The following ERG variants were observed in gnomAD, a reference collection of about 807,000 sequenced individuals.
ERG encodes ETS transcription factor ERG, also known as transcriptional regulator ERG.
ERG carries 9 observed loss-of-function variants against 55.3 expected under a neutral mutation model. The ratio of observed to expected loss-of-function variants is 0.16; its 90% CI spans 0.10 to 0.28. The LOEUF (loss-of-function observed/expected upper bound fraction) is 0.28, where lower values mean the gene tolerates loss of function less well. Ranked by LOEUF, ERG falls within the 10% of genes least tolerant of loss-of-function variation. The pLI is 1.00. For synonymous variants in ERG, 223 were observed against 237.3 expected, an observed-to-expected ratio of 0.94 and a Z score of 0.55; for missense variants, 434 against 631.6, an observed-to-expected ratio of 0.69 and a Z score of 3.35.
chr21:38,645,679 G>A (rs934330700), intron 1 of ERG, among the ~76,000 whole-genome samples: 2 of 152,192 alleles, frequency 1.3e-5, no homozygotes, highest in African/African-American at 4.8e-5. Flanking sequence ...GAGAAAGAGT[G>A]AGCTTTTACA....
chr21:38,600,988 A>G (rs1309045000), intron 1 of ERG, among the ~76,000 whole-genome samples: 2 of 152,196 alleles, frequency 1.3e-5, no homozygotes, highest in African/African-American at 4.8e-5. Flanking sequence ...TGCCACTATT[A>G]GATTTCCTTT....
At chr21:38,482,923 C>A (rs1158261303) in intron 1 of ERG, among the ~76,000 whole-genome samples, 1 of 152,190 alleles carries the variant, frequency 6.6e-6, no homozygotes, top group African/African-American at 2.4e-5. Context: ...AGTGATCCAC[C>A]TACCGTGGCC....
intron 5 of ERG, 131 bp downstream of exon 5, chr21:38,402,426 C>G (rs2836372): frequency 0.25 from 167,049 of 668,598 alleles, 22,562 homozygotes; most frequent in African/African-American, 0.43. Context: ...CCTAAGTATC[C>G]GAAAGTATTC....
At chr21:38,406,315 A>C (rs1446555583) in intron 3 of ERG, among the ~76,000 whole-genome samples, 1 of 152,230 alleles carries the variant, frequency 6.6e-6, no homozygotes, top group East Asian at 1.9e-4. Flanking sequence ...ACATGTTGTT[A>C]GTCTGTGAAA....
At position 38,381,716 on chromosome 21, in the gene ERG, C is replaced by G. The variant is rs934080767; in HGVS notation, c.*1687G>C. Reference sequence around the variant, plus strand: ...GGGTGATTTGTGACCAGGTGCTGAACTAGAATTTCTCAATGACAACCCCAG... The same window carrying G: ...GGGTGATTTGTGACCAGGTGCTGAAGTAGAATTTCTCAATGACAACCCCAG... On this transcript the variant is annotated 3_prime_UTR_variant, in exon 10 of 10. Transcript: ENST00000288319. The G allele has an allele frequency of 6.6e-6, 7 of 1,063,356 alleles. No individual in the cohort carries two copies. In the African/African-American group the frequency reaches 1.1e-4, roughly 17 times the overall value. 65.9% of individuals were successfully genotyped at this position (1,063,356 alleles called of 1,614,324 possible).
At chr21:38,453,574 T>G (rs1345490823) in intron 1 of ERG, among the ~76,000 whole-genome samples, 1 of 152,230 alleles carries the variant, frequency 6.6e-6, no homozygotes, top group Non-Finnish European at 1.5e-5. Context: ...TAGCTTCTTA[T>G]TTTCTTCTTT....
intron 1 of ERG, among the ~76,000 whole-genome samples, chr21:38,447,960 A>C (rs1333190764): frequency 1.3e-5 from 2 of 152,098 alleles, no homozygotes; most frequent in Non-Finnish European, 2.9e-5. Context: ...TACAAACTAA[A>C]AAGGAAATGG....
At position 38,466,297 on chromosome 21, in the gene ERG, T is replaced by TGG. The variant is rs201173457; in HGVS notation, c.19-20678_19-20677dup. 1.9e-3 allele frequency among the ~76,000 whole-genome samples: 115 copies of TGG among 62,034 alleles called. 1 individual carries two copies. The South Asian group carries it at 0.019, about 11-fold the overall frequency. The allele number at this position is 62,034 out of a possible 152,430, so 40.7% of individuals were successfully genotyped here. A position where few individuals can be genotyped will look rare whatever the true frequency, so the allele number is the denominator to read the frequency against. On this transcript the variant is annotated intron_variant, in intron 1 of 9. Transcript: ENST00000288319. Reference sequence around the variant, plus strand: ...AAACAGTTTAGGCTGTCTGATGGTCTGGGGTGTGTGTGTGTGTGTGTGTGT... The same window carrying TGG: ...AAACAGTTTAGGCTGTCTGATGGTCTGGGGGGTGTGTGTGTGTGTGTGTGTGT...
intron 2 of ERG, among the ~76,000 whole-genome samples, chr21:38,535,463 A>G (rs2059702831): frequency 6.6e-6 from 1 of 152,234 alleles, no homozygotes. Flanking sequence ...AAAAAATAAA[A>G]GATTTTATAG....
intron 2 of ERG, among the ~76,000 whole-genome samples, chr21:38,532,991 C>T (rs1024424042): frequency 6.6e-5 from 10 of 152,220 alleles, no homozygotes; most frequent in Admixed American, 6.5e-5. Context: ...TTTTTCACCT[C>T]TGTGTTCCTT....
chr21:38,511,233 T>G (rs2059509146), intron 2 of ERG, among the ~76,000 whole-genome samples: 1 of 152,238 alleles, frequency 6.6e-6, no homozygotes. Context: ...ACCCTACATT[T>G]GAACATTCAA....
intron 1 of ERG, among the ~76,000 whole-genome samples, chr21:38,453,087 A>G (rs2058956062): frequency 6.6e-6 from 1 of 152,202 alleles, no homozygotes; most frequent in Non-Finnish European, 1.5e-5. Context: ...TTGTGTAGCC[A>G]ACGCCCAGGA....
At chr21:38,421,564 C>A (rs1387577251) in intron 3 of ERG, among the ~76,000 whole-genome samples, 1 of 152,208 alleles carries the variant, frequency 6.6e-6, no homozygotes, top group Non-Finnish European at 1.5e-5. Context: ...GGGAATCTAA[C>A]CTGTTTGCCA....
chr21:38,575,944 A>C (rs1052129647), intron 1 of ERG, among the ~76,000 whole-genome samples: 5 of 152,236 alleles, frequency 3.3e-5, no homozygotes, highest in African/African-American at 1.2e-4. Context: ...CATTGGGAAA[A>C]TCACTTACAA....
chr21:38,612,168 C>T (rs912532600), intron 1 of ERG, among the ~76,000 whole-genome samples: 4 of 152,140 alleles, frequency 2.6e-5, no homozygotes, highest in Non-Finnish European at 4.4e-5. Context: ...TGACGCGTTC[C>T]AGTTCACAAA....
the ERG span, among the ~76,000 whole-genome samples, chr21:38,374,762 C>A: frequency 6.6e-6 from 1 of 152,090 alleles, no homozygotes; most frequent in African/African-American, 2.4e-5. Context: ...GCCCCAAGCC[C>A]CACTCCTCAG....
chr21:38,388,456 T>C (rs1244474504), intron 9 of ERG, among the ~76,000 whole-genome samples: 1 of 152,218 alleles, frequency 6.6e-6, no homozygotes, highest in African/African-American at 2.4e-5. Flanking sequence ...TTGTATTGTA[T>C]GAAGAGCAAA....
intron 1 of ERG, among the ~76,000 whole-genome samples, chr21:38,455,871 C>G (rs151195855): frequency 6.8e-6 from 1 of 147,970 alleles, no homozygotes. Context: ...GGTACGGTCC[C>G]CCCCCTCCCC....
chr21:38,635,985 T>C (rs2060385783), intron 1 of ERG, among the ~76,000 whole-genome samples: 1 of 152,196 alleles, frequency 6.6e-6, no homozygotes, highest in African/African-American at 2.4e-5. Context: ...TCATATTGAA[T>C]TGTAGTTCCC....
Sources: gnomAD v4.1 joint callset for allele counts (sites outside exome capture counted in the v4.1 genomes callset) on GRCh38, gnomAD v4.1.1 for gene constraint, MANE v1.5 for transcripts, NCBI Gene and HGNC (gene_info 2026-07-23, HGNC 2026-07-21) for gene names.